Variants in ZNF510 observed in about 807,000 individuals in gnomAD.
ZNF510 encodes the protein zinc finger protein 510.
In ZNF510, 15 loss-of-function variants were observed where a neutral mutation model predicts 18.1. That is an observed-to-expected ratio of 0.83 (90% CI 0.55 to 1.28). The LOEUF (loss-of-function observed/expected upper bound fraction) is 1.28. ZNF510 is among the 50% of genes most tolerant of loss of function. The pLI is 0.00. For synonymous variants in ZNF510, 261 were observed against 266.4 expected (o/e 0.98, Z 0.20); for missense variants, 724 against 791.8 (o/e 0.91, Z 1.03).
In ZNF510 at chr9:96,758,490, G is replaced by A. The variant is rs571100189; in HGVS notation, c.*288C>T. On this transcript the variant is annotated 3_prime_UTR_variant, in exon 6 of 6. Transcript: ENST00000223428. ...TGAAGAGATTACCAGCCTGTGTGAT[G>A]TGTGGGAGCTATCTAATAGGGTATG... 3.1e-5 allele frequency: 9 copies of A among 289,826 alleles called. No individual in the cohort carries two copies. In the South Asian group the frequency reaches 8.9e-4, roughly 29 times the overall value. The allele number at this position is 289,826 out of a possible 1,614,324, so 18.0% of individuals were successfully genotyped here. A position where few individuals can be genotyped will look rare whatever the true frequency, so the allele number is the denominator to read the frequency against.
In ZNF510 at chr9:96,760,198, G is replaced by C; in HGVS notation, c.632C>G (p.Pro211Arg). Residue 211 changes from proline to arginine, a missense_variant, in exon 6 of 6, where the codon CCT (proline) becomes CGT (arginine). Physicochemically the swap from Pro to Arg is moderately radical, Grantham distance 103 (BLOSUM62 -2). Coordinates refer to ENST00000223428, the MANE Select transcript of ZNF510 (RefSeq NM_014930.3). ...AGTTTTCTCAAAGTTAATTTTGAAA[G>C]GTGAATTCTCACATACATTACCGCA... ...IGCGNVCENS[P>R]FKINFEKTQT... 6.2e-7 allele frequency: 1 copy of C among 1,613,060 alleles called. No individual in the cohort carries two copies. The highest frequency in any genetic ancestry group is 1.1e-5 in the South Asian group (1 of 90,756).
At chr9:96,766,643 T>TA (rs146108871) in intron 3 of ZNF510, among the ~76,000 whole-genome samples, 8,925 of 150,062 alleles carry the variant, frequency 0.059, 864 homozygotes, top group African/African-American at 0.2. Context: ...CTTTGCACAT[T>TA]AAAAAAAAAG....
At chr9:96,774,537 T>TAA (rs148578444) in intron 3 of ZNF510, among the ~76,000 whole-genome samples, 2 of 152,008 alleles carry the variant, frequency 1.3e-5, no homozygotes, top group African/African-American at 4.8e-5. Context: ...TGCAAATCTG[T>TAA]AAAAAAAATA....
Position 96,759,953 on chromosome 9 carries a change from T to C in ZNF510, c.877A>G (p.Lys293Glu), listed in dbSNP as rs1427816909. Reference sequence around the variant, plus strand: ...CTCCTGTGGTCAAAGAGAGTTTTCTTATCACAATTTTTCCTAAATTCATCA... The same window carrying C: ...CTCCTGTGGTCAAAGAGAGTTTTCTCATCACAATTTTTCCTAAATTCATCA... ...KDDEFRKNCD[K>E]KTLFDHRRTG... The change falls in exon 6 of 6, where the codon AAG (lysine) becomes GAG (glutamate). Residue 293 changes from lysine (K) to glutamate (E), a missense_variant. Coordinates refer to ENST00000223428, the MANE Select transcript of ZNF510 (RefSeq NM_014930.3). 6.2e-7 allele frequency: 1 copy of C among 1,613,406 alleles called. No individual in the cohort carries two copies. The highest frequency in any genetic ancestry group is 8.5e-7 in the Non-Finnish European group (1 of 1,179,962).
At chr9:96,762,500 C>A (rs1849373876) in intron 5 of ZNF510, among the ~76,000 whole-genome samples, 2 of 135,642 alleles carry the variant, frequency 1.5e-5, no homozygotes, top group South Asian at 2.1e-4. Flanking sequence ...CAGAGGGAGA[C>A]TCCGTCTCAA....
At position 96,756,350 on chromosome 9, in the gene ZNF510, G is replaced by A. The variant is rs1849192609; in HGVS notation, c.*2428C>T. 1 of 152,122 alleles carries A rather than the reference G, an allele frequency of 6.6e-6. No individual in the cohort carries two copies. The highest frequency in any genetic ancestry group is 1.5e-5 in the Non-Finnish European group (1 of 68,040). The allele number at this position is 152,122 out of a possible 1,614,324, so 9.4% of individuals were successfully genotyped here. A position where few individuals can be genotyped will look rare whatever the true frequency, so the allele number is the denominator to read the frequency against. ...TTTGAACACACACAGGATCCTAGTA[G>A]TTTCAGTTGGCGAAAGCATCAGTGA... On this transcript the variant is annotated 3_prime_UTR_variant, in exon 6 of 6. Coordinates refer to ENST00000223428, the MANE Select transcript of ZNF510 (RefSeq NM_014930.3).
intron 1 of ZNF510, 84 bp from the exon 2 acceptor site, chr9:96,776,329 G>T: frequency 2.0e-6 from 1 of 506,394 alleles, no homozygotes; most frequent in South Asian, 2.9e-5. Context: ...AACTTTCATG[G>T]AAAACAGTGT....
At chr9:96,768,375 A>G (rs1300070202) in intron 3 of ZNF510, among the ~76,000 whole-genome samples, 1 of 152,184 alleles carries the variant, frequency 6.6e-6, no homozygotes, top group East Asian at 1.9e-4. Context: ...GAAATAGGTA[A>G]GACAAAAATG....
rs1849655897 is a variant in ZNF510, at chr9:96,774,831, A to C, written c.86T>G (p.Phe29Cys). 6.2e-7 allele frequency: 1 copy of C among 1,613,652 alleles called. No individual in the cohort carries two copies. The highest frequency in any genetic ancestry group is 8.5e-7 in the Non-Finnish European group (1 of 1,179,838). Residue 29 changes from phenylalanine to cysteine, a missense_variant, in exon 3 of 6, where the codon TTC becomes TGC. Coordinates refer to ENST00000223428, the MANE Select transcript of ZNF510 (RefSeq NM_014930.3). ...CTGCTGCTCCTGAAAGAGTGTGGAG[A>C]ACCGTAAAGGATAACCTGGGGGTGA... Reference protein sequence around the residue: ...QLAEGGYPLRFSTLFQEQQKM... With the variant: ...QLAEGGYPLRCSTLFQEQQKM...
chr9:96,759,130 G>C lies in ZNF510; in HGVS notation c.1700C>G (p.Thr567Arg), dbSNP rs141866339. Residue 567 changes from threonine (T) to arginine (R), a missense_variant, in exon 6 of 6, where the codon ACG (threonine) becomes AGG (arginine). By Grantham distance (71) the Thr-to-Arg change is moderately conservative. Coordinates refer to ENST00000223428, the MANE Select transcript of ZNF510 (RefSeq NM_014930.3). ...GTTACATTTGAATGGTTTCTCTCCC[G>C]TGTGAGTTTTCTGATGTTGAATGAG... ...DHLIQHQKTH[T>R]GEKPFKCNEC... The C allele has an allele frequency of 3.1e-6, 5 of 1,613,852 alleles. No individual in the cohort carries two copies. The African/African-American group carries it at 4.0e-5, about 13-fold the overall frequency.
At position 96,756,834 on chromosome 9, in the gene ZNF510, T is replaced by C. The variant is rs1849205554; in HGVS notation, c.*1944A>G. The C allele has an allele frequency of 1.3e-5, 2 of 152,206 alleles. No individual in the cohort carries two copies. Among genetic ancestry groups the C allele is most frequent in the South Asian group, 2.1e-4 (1 of 4,836 alleles). 9.4% of individuals were successfully genotyped at this position (152,206 alleles called of 1,614,324 possible). A position where few individuals can be genotyped will look rare whatever the true frequency, so the allele number is the denominator to read the frequency against. On this transcript the variant is annotated 3_prime_UTR_variant, in exon 6 of 6. Transcript: ENST00000223428. The stretch of plus-strand genomic sequence containing the variant: ...AAAATCACCAGTCACAGAGAGAGAC[T>C]TGAAGCCCAAAATGATCAGAGCTGT...
rs777347084 is a variant in ZNF510, at chr9:96,763,551, A to G, written c.211T>C (p.Tyr71His). The G allele has an allele frequency of 6.2e-7, 1 of 1,613,180 alleles. No homozygotes were observed. The highest frequency in any genetic ancestry group is 1.1e-5 in the South Asian group (1 of 90,910). ...QQMAPVQKNL[Y>H]RDVMLENYSN... ...TAGTTCTCCAGCATCACATCTCTGT[A>G]CAGATTCTTCTGAACAGGGGCCATT... Residue 71 changes from tyrosine (Y) to histidine (H), a missense_variant, in exon 4 of 6, where the codon TAC becomes CAC. Coordinates refer to ENST00000223428, the MANE Select transcript of ZNF510 (RefSeq NM_014930.3).
rs545336468 is a variant in ZNF510, at chr9:96,757,688, A to C, written c.*1090T>G. On this transcript the variant is annotated 3_prime_UTR_variant, in exon 6 of 6. Transcript: ENST00000223428. ...CACGGGTATACTGAACCCTGTATAT[A>C]CTATATTTTTTTCCTACATATACAC... 8.5e-5 allele frequency: 13 copies of C among 152,236 alleles called. No individual in the cohort carries two copies. Among genetic ancestry groups the C allele is most frequent in the Non-Finnish European group, 1.6e-4 (11 of 67,964 alleles). The allele number at this position is 152,236 out of a possible 1,614,324, so 9.4% of individuals were successfully genotyped here. A position where few individuals can be genotyped will look rare whatever the true frequency, so the allele number is the denominator to read the frequency against.
chr9:96,772,083 G>A (rs377670833), intron 3 of ZNF510, among the ~76,000 whole-genome samples: 1 of 152,074 alleles, frequency 6.6e-6, no homozygotes, highest in Admixed American at 6.5e-5. Flanking sequence ...TAAACTAATT[G>A]GACCAAAGGA....
Position 96,774,858 on chromosome 9 carries a change from G to A in ZNF510, c.71-12C>T, listed in dbSNP as rs775244489. On this transcript the variant is annotated splice_polypyrimidine_tract_variant and intron_variant, in intron 2 of 5. Coordinates refer to ENST00000223428, the MANE Select transcript of ZNF510 (RefSeq NM_014930.3). ...CCGTAAAGGATAACCTGGGGGTGAG[G>A]AAGGAGTCATGAGAGATCTGGGCAG... 4.4e-5 allele frequency: 71 copies of A among 1,613,364 alleles called. No individual in the cohort carries two copies. The highest frequency in any genetic ancestry group is 5.5e-5 in the Non-Finnish European group (65 of 1,179,612).
chr9:96,777,378 C>T (rs1384747842), intron 1 of ZNF510, among the ~76,000 whole-genome samples: 1 of 152,208 alleles, frequency 6.6e-6, no homozygotes, highest in African/African-American at 2.4e-5. Context: ...TATTGACATC[C>T]TAGCTCTCTC....
intron 5 of ZNF510, among the ~76,000 whole-genome samples, chr9:96,762,142 C>T (rs534954427): frequency 6.8e-6 from 1 of 148,130 alleles, no homozygotes; most frequent in Non-Finnish European, 1.5e-5. Context: ...TCTCACAAAT[C>T]ACCACTAAAG....
At position 96,758,920 on chromosome 9, in the gene ZNF510, A is replaced by C; in HGVS notation, c.1910T>G (p.Phe637Cys). ...TATTCTGAGGTTTGATTTCTGGCCA[A>C]AAGTTTTCCCACATTTATTACACTG... ...PFQCNKCGKT[F>C]GQKSNLRIHQ... The change falls in exon 6 of 6, where the codon TTT becomes TGT. Residue 637 changes from phenylalanine to cysteine, a missense_variant. Transcript: ENST00000223428. The C allele has an allele frequency of 6.2e-7, 1 of 1,614,100 alleles. No homozygotes were observed. The highest frequency in any genetic ancestry group is 8.5e-7 in the Non-Finnish European group (1 of 1,180,004).
At chr9:96,762,316 T>A (rs1458600477) in intron 5 of ZNF510, among the ~76,000 whole-genome samples, 3 of 151,528 alleles carry the variant, frequency 2.0e-5, no homozygotes, top group Admixed American at 2.0e-4. Context: ...AAGACCATCC[T>A]GGCTAACATG....
Sources: gnomAD v4.1 joint callset for allele counts (sites outside exome capture counted in the v4.1 genomes callset) on GRCh38, gnomAD v4.1.1 for gene constraint, MANE v1.5 for transcripts, NCBI Gene and HGNC (gene_info 2026-07-23, HGNC 2026-07-21) for gene names.